The following IQCK variants were observed in gnomAD, a reference collection of about 807,000 sequenced individuals.
IQCK encodes IQ domain-containing protein K.
In IQCK, 29 loss-of-function variants were observed where a neutral mutation model predicts 28.1. The ratio of observed to expected loss-of-function variants is 1.03; its 90% confidence interval spans 0.77 to 1.41. The LOEUF is 1.41. Among genes scored for constraint, IQCK ranks in the 40% most tolerant of loss-of-function variants. The pLI, the probability that IQCK is intolerant of heterozygous loss-of-function variation, is 0.00. For synonymous variants in IQCK, 113 were observed against 115.1 expected (o/e 0.98, Z 0.12); for missense variants, 359 against 314.7 (o/e 1.14, Z -1.07).
intron 9 of IQCK, among the ~76,000 whole-genome samples, chr16:19,850,738 G>A (rs1381312882): frequency 6.6e-6 from 1 of 152,102 alleles, no homozygotes; most frequent in Non-Finnish European, 1.5e-5. Flanking sequence ...TAGCTGGCTG[G>A]GTGCTGTGGC....
intron 7 of IQCK, among the ~76,000 whole-genome samples, chr16:19,811,985 ATT>A (rs11290117): frequency 0.24 from 31,304 of 130,742 alleles, 3,790 homozygotes; most frequent in African/African-American, 0.43. Context: ...AATAGCCTTA[ATT>A]TTTTTTTTTT....
chr16:19,782,684 C>A (rs1404049307), intron 6 of IQCK, among the ~76,000 whole-genome samples: 1 of 152,116 alleles, frequency 6.6e-6, no homozygotes, highest in Non-Finnish European at 1.5e-5. Context: ...TCCAAAATTT[C>A]ATTTTCAATC....
intron 9 of IQCK, among the ~76,000 whole-genome samples, chr16:19,833,145 A>G (rs2056253927): frequency 6.6e-6 from 1 of 152,210 alleles, no homozygotes; most frequent in Admixed American, 6.5e-5. Flanking sequence ...ACCAATTTTT[A>G]AATAAACAAT....
At chr16:19,744,475 C>T (rs1329414248) in intron 4 of IQCK, among the ~76,000 whole-genome samples, 1 of 152,136 alleles carries the variant, frequency 6.6e-6, no homozygotes, top group East Asian at 1.9e-4. Flanking sequence ...ATGTAAAATT[C>T]AGCATATTTA....
Sources: gnomAD v4.1 joint callset for allele counts (sites outside exome capture counted in the v4.1 genomes callset) on GRCh38, gnomAD v4.1.1 for gene constraint, MANE v1.5 for transcripts, NCBI Gene and HGNC (gene_info 2026-07-23, HGNC 2026-07-21) for gene names.